ZNF550: variants seen among roughly 807,000 people sequenced by gnomAD.
ZNF550 encodes the protein zinc finger protein 550.
In ZNF550, 42 loss-of-function variants were observed where a neutral mutation model predicts 40.2. The ratio of observed to expected loss-of-function variants is 1.05; its 90% CI spans 0.82 to 1.35. ZNF550 has a LOEUF of 1.35. Among genes scored for constraint, ZNF550 ranks in the 40% most tolerant of loss-of-function variants. The probability of loss-of-function intolerance (pLI) is 0.00; values close to 1 mark genes in which losing one functional copy is unlikely to be tolerated. For synonymous variants in ZNF550, 223 were observed against 198.6 expected (o/e 1.12, Z -1.03); for missense variants, 549 against 525.2 (o/e 1.05, Z -0.44).
chr19:57,542,105 A>C (rs2089964973), exon 5 of ZNF550: 1 of 152,112 alleles, frequency 6.6e-6, no homozygotes, highest in Non-Finnish European at 1.5e-5. Context: ...AACAAAAGGC[A>C]ATGAAAGGAT....
intron 1 of ZNF550, 28 bp downstream of exon 1, chr19:57,559,628 C>G (rs754284732): frequency 2.0e-6 from 3 of 1,469,696 alleles, no homozygotes; most frequent in African/African-American, 2.8e-5. Flanking sequence ...GGCCGGGTGG[C>G]CGCGGGGAGC....
intron 1 of ZNF550, chr19:57,557,378 C>A (rs1165831368): frequency 6.6e-6 from 1 of 152,050 alleles, no homozygotes; most frequent in Non-Finnish European, 1.5e-5. Flanking sequence ...GGCCTACGTG[C>A]ACATCGAGGC....
chr19:57,559,549 A>G (rs1033037903), intron 1 of ZNF550, 107 bp downstream of exon 1: 4 of 1,120,698 alleles, frequency 3.6e-6, no homozygotes, highest in Non-Finnish European at 3.5e-6. Context: ...TCTAAGAAGC[A>G]ACGGCAGGGA....
upstream of ZNF550, among the ~76,000 whole-genome samples, chr19:57,560,798 G>T (rs1289104353): frequency 6.6e-6 from 1 of 152,120 alleles, no homozygotes; most frequent in Admixed American, 6.5e-5. Flanking sequence ...GGTAGGAAAT[G>T]GGTCAAATCT....
exon 1 of ZNF550, chr19:57,559,772 C>T (rs1420284827): frequency 5.0e-6 from 6 of 1,197,990 alleles, no homozygotes; most frequent in Non-Finnish European, 6.6e-6. Flanking sequence ...AGGTGAGCCC[C>T]AGTCGCCCTA....
At chr19:57,559,947 G>A, upstream of ZNF550, 2 of 395,814 alleles carry the variant, frequency 5.1e-6, no homozygotes, top group South Asian at 1.2e-4. Flanking sequence ...CCCGTAAGAG[G>A]CCAGGCTTGG....
chr19:57,546,362 A>T, intron 4 of ZNF550: 2 of 406,484 alleles, frequency 4.9e-6, no homozygotes, highest in Non-Finnish European at 6.6e-6. Context: ...AAAAAAAAAA[A>T]GGAATAAAAC....
intron 2 of ZNF550, chr19:57,555,235 G>A (rs2090109175): frequency 6.6e-6 from 1 of 152,142 alleles, no homozygotes; most frequent in Non-Finnish European, 1.5e-5. Flanking sequence ...GGAAACCCTT[G>A]TATGTTTCTT....
At chr19:57,550,100 A>G (rs983398871) in intron 3 of ZNF550, among the ~76,000 whole-genome samples, 2 of 152,218 alleles carry the variant, frequency 1.3e-5, no homozygotes, top group African/African-American at 4.8e-5. Context: ...TGCCAGTGAC[A>G]CTAGCAAGAA....
exon 4 of ZNF550, chr19:57,546,474 C>G: frequency 1.0e-6 from 1 of 987,330 alleles, no homozygotes; most frequent in South Asian, 4.7e-5. Context: ...TGAAGGTTTT[C>G]ATAAGTTCAT....
intron 2 of ZNF550, 33 bp downstream of exon 2, chr19:57,556,198 G>C (rs1474840835): frequency 1.2e-6 from 2 of 1,613,452 alleles, no homozygotes; most frequent in African/African-American, 1.3e-5. Flanking sequence ...TCAGGGTTAG[G>C]GTCCTCCTCA....
chr19:57,541,912 A>G (rs1568592929), exon 5 of ZNF550: 1 of 152,220 alleles, frequency 6.6e-6, no homozygotes, highest in Non-Finnish European at 1.5e-5. Context: ...AAAGTTAGAT[A>G]CCAACAAGAG....
exon 1 of ZNF550, chr19:57,559,853 C>A (rs750856031): frequency 4.2e-4 from 213 of 506,404 alleles, no homozygotes; most frequent in Non-Finnish European, 1.8e-4. Context: ...GCCAGCGAGG[C>A]CGGAAGTCCC....
exon 4 of ZNF550, chr19:57,547,068 G>A: frequency 1.9e-6 from 3 of 1,613,884 alleles, no homozygotes; most frequent in East Asian, 2.2e-5. Flanking sequence ...CCCCAGTGTG[G>A]ATGACAGAGT....
chr19:57,559,656 C>A (rs1175990452), exon 1 of ZNF550: 12 of 1,508,202 alleles, frequency 8.0e-6, no homozygotes, highest in Non-Finnish European at 1.1e-5. Context: ...GTCTGCTCAC[C>A]TGCGCTGCGT....
exon 4 of ZNF550, chr19:57,547,676 G>C: frequency 1.2e-6 from 2 of 1,614,130 alleles, no homozygotes; most frequent in Non-Finnish European, 1.7e-6. Context: ...TCTTTCCCTG[G>C]TTGCTGTGAG....
At chr19:57,553,034 C>CAG (rs888049013) in intron 2 of ZNF550, 1 of 234,498 alleles carries the variant, frequency 4.3e-6, no homozygotes, top group Non-Finnish European at 8.2e-6. Context: ...CTCATAAAAA[C>CAG]AGAGAGAGAT....
At chr19:57,556,063 G>A (rs139977168) in intron 2 of ZNF550, 168 bp downstream of exon 2, 4 of 818,868 alleles carry the variant, frequency 4.9e-6, no homozygotes, top group African/African-American at 1.7e-5. Context: ...TGTGTTAAAA[G>A]GACATTTTCT....
chr19:57,543,563 T>A, intron 4 of ZNF550: 3 of 967,664 alleles, frequency 3.1e-6, no homozygotes, highest in Non-Finnish European at 2.5e-6. Context: ...TCTCACAGAT[T>A]AAGCAGCATA....
Sources: gnomAD v4.1 joint callset for allele counts (sites outside exome capture counted in the v4.1 genomes callset) on GRCh38, gnomAD v4.1.1 for gene constraint, MANE v1.5 for transcripts, NCBI Gene and HGNC (gene_info 2026-07-23, HGNC 2026-07-21) for gene names.